The following KCTD19 variants were observed in gnomAD, a reference collection of about 807,000 sequenced individuals.
KCTD19 encodes BTB/POZ domain-containing protein KCTD19.
In KCTD19, 67 loss-of-function variants were observed where a neutral mutation model predicts 103.5. That is an observed-to-expected ratio of 0.65 (90% CI 0.53 to 0.79). The LOEUF (loss-of-function observed/expected upper bound fraction) is 0.79, where lower values mean the gene tolerates loss of function less well. Ranked by LOEUF, KCTD19 falls within the 30% of genes least tolerant of loss-of-function variation. The probability of loss-of-function intolerance (pLI) is 0.00; values close to 1 mark genes in which losing one functional copy is unlikely to be tolerated. For missense variants in KCTD19, 980 were observed against 1,136.1 expected, an observed-to-expected ratio of 0.86 and a Z score of 1.98; for synonymous variants, 439 against 452.2, an observed-to-expected ratio of 0.97 and a Z score of 0.37.
chr16:67,313,698 C>T (rs942581729), intron 2 of KCTD19, among the ~76,000 whole-genome samples: 14 of 152,042 alleles, frequency 9.2e-5, no homozygotes, highest in Admixed American at 2.0e-4. Context: ...AAGCAATTCT[C>T]CTGCCTTAGC....
chr16:67,316,824 G>A (rs957155650), intron 2 of KCTD19, among the ~76,000 whole-genome samples: 4 of 151,938 alleles, frequency 2.6e-5, no homozygotes, highest in Admixed American at 2.6e-4. Flanking sequence ...CTACAGGCTA[G>A]AGGTGGGGGT....
intron 2 of KCTD19, among the ~76,000 whole-genome samples, chr16:67,307,049 T>C (rs1597396834): frequency 1.3e-5 from 2 of 152,200 alleles, no homozygotes; most frequent in South Asian, 4.1e-4. Context: ...TTTCTTTTTA[T>C]TGATATGTAA....
At position 67,290,920 on chromosome 16, in the gene KCTD19, G is replaced by A. The variant is rs775455264; in HGVS notation, c.2632C>T (p.Arg878Trp). The change falls in exon 15 of 16, where the codon CGG (arginine) becomes TGG (tryptophan). Residue 878 changes from arginine to tryptophan, a missense_variant. Physicochemically the swap from Arg to Trp is moderately radical, Grantham distance 101 (BLOSUM62 -3). Coordinates refer to ENST00000304372, the MANE Select transcript of KCTD19 (RefSeq NM_001100915.3). ...LLAITGFKDD[R>W]HTQERLYSWV... Reference sequence around the variant, plus strand: ...CTGTACAGGCGCTCCTGGGTGTGCCGGTCATCCTTGAAGCCGGTGATGGCC... The same window carrying A: ...CTGTACAGGCGCTCCTGGGTGTGCCAGTCATCCTTGAAGCCGGTGATGGCC... 12 of 1,613,984 alleles carry A rather than the reference G, an allele frequency of 7.4e-6. No individual in the cohort carries two copies. Among genetic ancestry groups the A allele is most frequent in the East Asian group, 4.5e-5 (2 of 44,880 alleles).
Position 67,324,133 on chromosome 16 carries a change from T to C in KCTD19, c.3+2572A>G, listed in dbSNP as rs188596151. ...AGTTTAAGGTCATCTGTACATCTGT[T>C]GGACAAGAGGTTGTTGAAAAAAAAG... On this transcript the variant is annotated intron_variant, in intron 1 of 15. Transcript: ENST00000304372. Among the ~76,000 whole-genome samples the C allele has an allele frequency of 2.6e-5, 4 of 152,270 alleles. No individual in the cohort carries two copies. In the East Asian group the frequency reaches 7.7e-4, roughly 29 times the overall value.
intron 12 of KCTD19, 61 bp from the exon 13 acceptor site, chr16:67,291,898 A>G: frequency 8.0e-7 from 1 of 1,250,418 alleles, no homozygotes; most frequent in Non-Finnish European, 1.1e-6. Flanking sequence ...TTCAAGATAG[A>G]GTTTTGCTTT....
chr16:67,310,717 T>C (rs1310867524), intron 2 of KCTD19, among the ~76,000 whole-genome samples: 2 of 152,224 alleles, frequency 1.3e-5, no homozygotes, highest in African/African-American at 2.4e-5. Context: ...TGCGCCCTGA[T>C]GGCAGAACTT....
In KCTD19 at chr16:67,295,261, A is replaced by G; in HGVS notation, c.1391+2T>C. 1 of 1,613,728 alleles carries G rather than the reference A, an allele frequency of 6.2e-7. No homozygotes were observed. Among genetic ancestry groups the G allele is most frequent in the Non-Finnish European group, 8.5e-7 (1 of 1,179,682 alleles). The stretch of plus-strand genomic sequence containing the variant: ...ATCTTACTGCGTCCTTGCTTCACTT[A>G]CTTAAATTCAGATGGTAAAAACAGT... On this transcript the variant is annotated splice_donor_variant, in intron 9 of 15. Transcript: ENST00000304372. LOFTEE classifies it high-confidence loss of function.
chr16:67,299,249 TG>T, intron 6 of KCTD19, 113 bp downstream of exon 6: 1 of 928,292 alleles, frequency 1.1e-6, no homozygotes, highest in Non-Finnish European at 1.7e-6. Context: ...AATGATGGGC[TG>T]GCCCCAAGGA....
intron 2 of KCTD19, among the ~76,000 whole-genome samples, chr16:67,307,623 A>G (rs1000885876): frequency 6.6e-6 from 1 of 151,972 alleles, no homozygotes; most frequent in Non-Finnish European, 1.5e-5. Context: ...GCCGACAGCC[A>G]GCTAAGTTTT....
intron 2 of KCTD19, among the ~76,000 whole-genome samples, chr16:67,312,966 T>C (rs1290280542): frequency 6.6e-6 from 1 of 152,192 alleles, no homozygotes; most frequent in Non-Finnish European, 1.5e-5. Flanking sequence ...GTAAATATTT[T>C]AGGCTTTGCT....
intron 2 of KCTD19, among the ~76,000 whole-genome samples, chr16:67,309,149 A>T (rs1312079649): frequency 6.6e-6 from 1 of 151,790 alleles, no homozygotes; most frequent in Non-Finnish European, 1.5e-5. Flanking sequence ...AAAAAAGAAA[A>T]AAGAAAGAAA....
rs765157438 is a variant in KCTD19, at chr16:67,299,491, G to A, written c.858C>T (p.Leu286=). Residue 286 remains leucine (L), a synonymous_variant, in exon 6 of 16, where the codon CTC becomes CTT. Transcript: ENST00000304372. ...CCAGCAGACCCAGGGCCATTGTGTA[G>A]AGCGGTTTCACGGACTCCAGGCTGG... ...RTASLESVKP[L]YTMALGLLVK... The A allele has an allele frequency of 4.3e-6, 7 of 1,614,228 alleles. No individual in the cohort carries two copies. The highest frequency in any genetic ancestry group is 3.3e-5 in the South Asian group (3 of 91,088).
chr16:67,293,843 C>T lies in KCTD19; in HGVS notation c.1919G>A (p.Arg640Lys), dbSNP rs183031746. 6 of 1,614,018 alleles carry T rather than the reference C, an allele frequency of 3.7e-6. No individual in the cohort carries two copies. Among genetic ancestry groups the T allele is most frequent in the East Asian group, 4.5e-5 (2 of 44,862 alleles). Residue 640 changes from arginine (R) to lysine (K), a missense_variant, in exon 12 of 16, where the codon AGA becomes AAA. Transcript: ENST00000304372. The surrounding 1 kb of genome is among the most constrained non-coding windows in gnomAD (Gnocchi z 4.0). ...TTTGCAATTGACCATGTCCCATTCTCTCACCAGGGAGATGAGTTTTTGCAT... is the reference window on the plus strand; with the variant it reads ...TTTGCAATTGACCATGTCCCATTCTTTCACCAGGGAGATGAGTTTTTGCAT... ...TPMQKLISLV[R>K]EWDMVNCKQW...
At position 67,293,397 on chromosome 16, in the gene KCTD19, T is replaced by A; in HGVS notation, c.2218+147A>T. ...CAGCCATGCCAATGTGCCAGTCATT[T>A]CTGTGTCTGCTGCCTGGCACAGAGA... On this transcript the variant is annotated intron_variant, in intron 12 of 15. Transcript: ENST00000304372. This position sits in a 1 kb window ranked among gnomAD's most constrained non-coding sequence, Gnocchi z 4.0. 1 of 873,706 alleles carries A rather than the reference T, an allele frequency of 1.1e-6. No individual in the cohort carries two copies. The highest frequency in any genetic ancestry group is 1.8e-6 in the Non-Finnish European group (1 of 561,244). The allele number at this position is 873,706 out of a possible 1,614,324, so 54.1% of individuals were successfully genotyped here. A position where few individuals can be genotyped will look rare whatever the true frequency, so the allele number is the denominator to read the frequency against.
chr16:67,294,837 G>A, intron 10 of KCTD19, 136 bp downstream of exon 10: 1 of 932,640 alleles, frequency 1.1e-6, no homozygotes, highest in Non-Finnish European at 1.7e-6. Flanking sequence ...CTAGGTCACT[G>A]GCCAATCCTG....
At chr16:67,305,617 G>A in intron 2 of KCTD19, 1 of 455,704 alleles carries the variant, frequency 2.2e-6, no homozygotes. Flanking sequence ...AAGTCCTGCA[G>A]GGGGCAGATT....
At position 67,293,529 on chromosome 16, in the gene KCTD19, G is replaced by T. The variant is rs747575214; in HGVS notation, c.2218+15C>A. ...GTTGTGAATAAGACTTAGATCAAAG[G>T]GGGACAGGACTCACCTCTCTCCTTG... On this transcript the variant is annotated intron_variant, in intron 12 of 15. Coordinates refer to ENST00000304372, the MANE Select transcript of KCTD19 (RefSeq NM_001100915.3). This position sits in a 1 kb window ranked among gnomAD's most constrained non-coding sequence, Gnocchi z 4.0. The T allele has an allele frequency of 1.2e-6, 2 of 1,608,196 alleles. No individual in the cohort carries two copies. Among genetic ancestry groups the T allele is most frequent in the East Asian group, 2.2e-5 (1 of 44,750 alleles).
intron 2 of KCTD19, among the ~76,000 whole-genome samples, chr16:67,310,637 G>GC (rs2036939523): frequency 2.0e-5 from 3 of 152,198 alleles, no homozygotes; most frequent in African/African-American, 7.2e-5. Context: ...TCAATCAGAA[G>GC]CAACATAAAA....
intron 5 of KCTD19, chr16:67,299,819 A>G: frequency 1.9e-6 from 1 of 530,284 alleles, no homozygotes; most frequent in Non-Finnish European, 3.3e-6. Context: ...TTGCTGTATC[A>G]CTAGCATCTG....
Sources: allele counts gnomAD v4.1 joint callset (sites outside exome capture counted in the v4.1 genomes callset), GRCh38; gene constraint gnomAD v4.1.1; non-coding constraint Gnocchi (gnomAD v3.1); transcripts MANE v1.5; gene names NCBI Gene and HGNC (gene_info 2026-07-23, HGNC 2026-07-21).